ZFHX3: variants seen among roughly 807,000 people sequenced by gnomAD.
ZFHX3 encodes the protein zinc finger homeobox 3, also known as zinc finger homeobox protein 3.
Under a neutral mutation model 279.1 loss-of-function variants are expected in ZFHX3, and 42 were observed. The observed-to-expected ratio is 0.15, with a 90% CI of 0.12 to 0.19. The LOEUF is 0.19. Ranked by LOEUF, ZFHX3 falls within the 10% of genes least tolerant of loss-of-function variation. The pLI is 1.00. For missense variants in ZFHX3, 4,981 were observed against 4,754.0 expected (o/e 1.05, Z -1.40); for synonymous variants, 2,293 against 1,957.8 (o/e 1.17, Z -4.52).
chr16:73,184,772 A>G (rs1294368201), intron 5 of ZFHX3, among the ~76,000 whole-genome samples: 1 of 152,090 alleles, frequency 6.6e-6, no homozygotes, highest in Non-Finnish European at 1.5e-5. Context: ...TATTTGGGAG[A>G]AAAAAAATGT....
At chr16:73,153,192 AC>A (rs2144847993) in intron 5 of ZFHX3, among the ~76,000 whole-genome samples, 1 of 152,288 alleles carries the variant, frequency 6.6e-6, no homozygotes, top group East Asian at 1.9e-4. Flanking sequence ...GTTCATTCCC[AC>A]CTGGAAAGTT....
At chr16:73,780,644 G>A (rs1321357416) in intron 1 of ZFHX3, among the ~76,000 whole-genome samples, 3 of 152,234 alleles carry the variant, frequency 2.0e-5, no homozygotes, top group African/African-American at 7.2e-5. Context: ...GTTTCGCCAT[G>A]TTAGCCAGGC....
At chr16:73,790,616 C>T (rs1959795419) in intron 1 of ZFHX3, among the ~76,000 whole-genome samples, 1 of 152,228 alleles carries the variant, frequency 6.6e-6, no homozygotes, top group South Asian at 2.1e-4. Flanking sequence ...CTTTCTGTGG[C>T]ATCACTTTGC....
chr16:72,808,825 AT>A (rs2036350873), intron 7 of ZFHX3, among the ~76,000 whole-genome samples: 1 of 152,230 alleles, frequency 6.6e-6, no homozygotes, highest in Non-Finnish European at 1.5e-5. Context: ...TGTACACACA[AT>A]TTTATATTTG....
chr16:73,089,010 C>T (rs1300536517), intron 8 of ZFHX3, among the ~76,000 whole-genome samples: 2 of 152,176 alleles, frequency 1.3e-5, no homozygotes, highest in East Asian at 1.9e-4. Flanking sequence ...TTGAACTTAA[C>T]ATAGCCCTGG....
chr16:73,219,559 C>T (rs1360438040), intron 5 of ZFHX3, among the ~76,000 whole-genome samples: 1 of 152,218 alleles, frequency 6.6e-6, no homozygotes, highest in Admixed American at 6.5e-5. Flanking sequence ...AGCCCTGTTG[C>T]ATCTATGAGA....
At chr16:73,225,392 G>A (rs890998883) in intron 5 of ZFHX3, among the ~76,000 whole-genome samples, 5 of 152,040 alleles carry the variant, frequency 3.3e-5, no homozygotes, top group African/African-American at 9.7e-5. Flanking sequence ...GAGGTGAGAG[G>A]AATGCTTGAG....
In ZFHX3 at chr16:73,614,070, G is replaced by A. The variant is rs554131253; in HGVS notation, c.-1547+66110C>T. ...ATGTAACGCTAAATGTTACGGTTTAGGTAATATCCTTGGTGATATCTATGC... is the reference window on the plus strand; with the variant it reads ...ATGTAACGCTAAATGTTACGGTTTAAGTAATATCCTTGGTGATATCTATGC... On this transcript the variant is annotated intron_variant, in intron 2 of 17. Coordinates refer to the ZFHX3 transcript ENST00000641206. 3.5e-4 allele frequency among the ~76,000 whole-genome samples: 54 copies of A among 152,302 alleles called. 1 individual carries two copies. The highest frequency in any genetic ancestry group is 1.3e-3 in the African/African-American group (53 of 41,556).
At chr16:73,408,250 A>C (rs746703989) in intron 3 of ZFHX3, among the ~76,000 whole-genome samples, 6 of 152,104 alleles carry the variant, frequency 3.9e-5, no homozygotes, top group Non-Finnish European at 7.4e-5. Context: ...TGTTGTGTCC[A>C]CCATAAAAAT....
intron 2 of ZFHX3, among the ~76,000 whole-genome samples, chr16:73,603,822 G>A (rs1300572580): frequency 1.4e-5 from 2 of 138,406 alleles, no homozygotes; most frequent in Non-Finnish European, 1.5e-5. Context: ...CACCCAGGCT[G>A]GAGTGCAGTG....
At chr16:73,212,678 T>C (rs1221438583) in intron 5 of ZFHX3, among the ~76,000 whole-genome samples, 3 of 152,206 alleles carry the variant, frequency 2.0e-5, no homozygotes, top group African/African-American at 7.2e-5. Flanking sequence ...CTGTCCCTAG[T>C]GTTTACCTCA....
chr16:73,329,611 G>A (rs574941372), intron 3 of ZFHX3, among the ~76,000 whole-genome samples: 3 of 152,334 alleles, frequency 2.0e-5, no homozygotes, highest in African/African-American at 7.2e-5. Context: ...CATGTAATTG[G>A]TGGTGCATAA....
chr16:72,828,979 T>C (rs2036998409), intron 5 of ZFHX3, among the ~76,000 whole-genome samples: 1 of 150,944 alleles, frequency 6.6e-6, no homozygotes, highest in African/African-American at 2.4e-5. Context: ...GCGTGAGCCA[T>C]TACTCTCAGC....
intron 1 of ZFHX3, among the ~76,000 whole-genome samples, chr16:73,717,838 G>T (rs931002896): frequency 6.6e-6 from 1 of 152,146 alleles, no homozygotes; most frequent in Non-Finnish European, 1.5e-5. Context: ...GGCGGACATT[G>T]TGCAGTTCCA....
In ZFHX3 at chr16:72,850,488, GA is replaced by G. The variant is rs1191299999; in HGVS notation, c.3449-20630del. Among the ~76,000 whole-genome samples, 5 of 152,336 alleles carry G rather than the reference GA, an allele frequency of 3.3e-5. No homozygotes were observed. In the East Asian group the frequency reaches 9.7e-4, roughly 29 times the overall value. On this transcript the variant is annotated intron_variant, in intron 4 of 9. Transcript: ENST00000268489. ...ATATCACTGTAGAGTCGAAGTTGGG[GA>G]AAAAATTTCTCTGGGCAGCGAGAAG... is the stretch of plus-strand genomic sequence containing the variant.
At chr16:73,667,726 G>C (rs140125953) in intron 2 of ZFHX3, among the ~76,000 whole-genome samples, 43 of 152,316 alleles carry the variant, frequency 2.8e-4, no homozygotes, top group African/African-American at 7.2e-4. Flanking sequence ...ACATAATATA[G>C]ACTGAACCAA....
intron 3 of ZFHX3, among the ~76,000 whole-genome samples, chr16:73,340,862 G>T (rs1292113166): frequency 6.6e-6 from 1 of 152,074 alleles, no homozygotes; most frequent in African/African-American, 2.4e-5. Flanking sequence ...GTGAAGAAAT[G>T]ACTTCTAACT....
chr16:72,920,719 G>A (rs1392440496), intron 3 of ZFHX3, among the ~76,000 whole-genome samples: 1 of 151,786 alleles, frequency 6.6e-6, no homozygotes, highest in East Asian at 1.9e-4. Context: ...CTGCCTGTCT[G>A]TGTGTCATCT....
intron 1 of ZFHX3, among the ~76,000 whole-genome samples, chr16:73,794,691 A>G (rs2051249694): frequency 6.6e-6 from 1 of 152,182 alleles, no homozygotes; most frequent in Non-Finnish European, 1.5e-5. Flanking sequence ...CAACAGCTTT[A>G]CATCTTTCCT....
Sources: gnomAD v4.1 joint callset for allele counts (sites outside exome capture counted in the v4.1 genomes callset) on GRCh38, gnomAD v4.1.1 for gene constraint, MANE v1.5 for transcripts, NCBI Gene and HGNC (gene_info 2026-07-23, HGNC 2026-07-21) for gene names.